Variants in HOOK1 observed in about 807,000 individuals in gnomAD.
HOOK1 encodes the protein protein Hook homolog 1.
A neutral mutation model predicts 112.8 loss-of-function variants in HOOK1; 60 were observed. The observed-to-expected ratio is 0.53, with a 90% CI of 0.43 to 0.66. The LOEUF (loss-of-function observed/expected upper bound fraction) is 0.66. HOOK1 is among the 30% of genes least tolerant of loss of function. HOOK1 has a pLI of 0.00. For synonymous variants in HOOK1, 294 were observed against 283.8 expected (o/e 1.04, Z -0.36); for missense variants, 770 against 856.0 (o/e 0.90, Z 1.25).
chr1:59,859,812 G>GT (rs1478173271), intron 14 of HOOK1, among the ~76,000 whole-genome samples: 1 of 151,792 alleles, frequency 6.6e-6, no homozygotes, highest in African/African-American at 2.4e-5. Flanking sequence ...TCTTTTATGT[G>GT]TTTTCTAAGC....
At chr1:59,832,957 C>G (rs1244242998) in intron 4 of HOOK1, among the ~76,000 whole-genome samples, 1 of 151,796 alleles carries the variant, frequency 6.6e-6, no homozygotes, top group Non-Finnish European at 1.5e-5. Context: ...AAAGATAAGA[C>G]CAGGAAAAAA....
intron 15 of HOOK1, among the ~76,000 whole-genome samples, chr1:59,861,889 A>G (rs2098413804): frequency 6.6e-6 from 1 of 152,236 alleles, no homozygotes; most frequent in South Asian, 2.1e-4. Context: ...GGTGGTTAAA[A>G]GAAGAATAAC....
chr1:59,846,563 CT>C lies in HOOK1; in HGVS notation c.789-480del, dbSNP rs1401145230. On this transcript the variant is annotated intron_variant, in intron 9 of 21. Transcript: ENST00000371208. ...CCTTCCTTCCTTCCTTCCTTCCTTC[CT>C]TCCTTCCTTCCTTCCTTCCTTCCTC... Among the ~76,000 whole-genome samples, 659 of 69,356 alleles carry C rather than the reference CT, an allele frequency of 9.5e-3. 25 individuals carry two copies. The highest frequency in any genetic ancestry group is 0.037 in the African/African-American group (595 of 16,026). The allele number at this position is 69,356 out of a possible 152,430, so 45.5% of individuals were successfully genotyped here.
intron 13 of HOOK1, 42 bp downstream of exon 13, chr1:59,858,557 A>C: frequency 8.0e-7 from 1 of 1,245,668 alleles, no homozygotes; most frequent in African/African-American, 1.5e-5. Flanking sequence ...CCTGGGCAGC[A>C]TAGTGGGACT....
At chr1:59,831,632 T>C (rs763645847) in intron 3 of HOOK1, among the ~76,000 whole-genome samples, 1 of 152,188 alleles carries the variant, frequency 6.6e-6, no homozygotes, top group African/African-American at 2.4e-5. Flanking sequence ...GAACTTCTAA[T>C]GTCTTATCTC....
chr1:59,846,187 GTTAT>G (rs1308276802), intron 9 of HOOK1, among the ~76,000 whole-genome samples: 1 of 151,574 alleles, frequency 6.6e-6, no homozygotes, highest in Non-Finnish European at 1.5e-5. Flanking sequence ...AGTGTCTATG[GTTAT>G]TTAAGTTGTT....
intron 20 of HOOK1, among the ~76,000 whole-genome samples, chr1:59,870,351 G>T (rs899099123): frequency 1.3e-5 from 2 of 152,216 alleles, no homozygotes; most frequent in African/African-American, 4.8e-5. Context: ...AATGTAAATA[G>T]CAGGGGCTGT....
intron 10 of HOOK1, among the ~76,000 whole-genome samples, 172 bp from the exon 11 acceptor site, chr1:59,848,143 G>C (rs1481302847): frequency 1.3e-5 from 2 of 151,612 alleles, no homozygotes; most frequent in Admixed American, 6.6e-5. Flanking sequence ...ATTTAGGCTA[G>C]AGTCTGTTTC....
Position 59,821,934 on chromosome 1 carries a change from T to C in HOOK1, c.140T>C (p.Leu47Pro), listed in dbSNP as rs1403152906. 3 of 1,611,738 alleles carry C rather than the reference T, an allele frequency of 1.9e-6. No individual in the cohort carries two copies. The highest frequency in any genetic ancestry group is 2.7e-5 in the African/African-American group (2 of 74,784). ...LTSGVAMAQV[L>P]HQIDAAWFNE... ...AGTGGAGTTGCCATGGCACAAGTTC[T>C]TCATCAAATGTGAGTAGTGGTCAGA... The change falls in exon 2 of 22, where the codon CTT becomes CCT. Residue 47 changes from leucine to proline, a missense_variant. Physicochemically the swap from Leu to Pro is moderately conservative, Grantham distance 98. Transcript: ENST00000371208.
At chr1:59,816,520 T>G (rs2098381652) in intron 1 of HOOK1, among the ~76,000 whole-genome samples, 2 of 152,254 alleles carry the variant, frequency 1.3e-5, no homozygotes, top group Admixed American at 1.3e-4. Flanking sequence ...ACTGAAGTGT[T>G]AAGCTTAGTC....
chr1:59,837,452 A>G (rs920735506), intron 7 of HOOK1, among the ~76,000 whole-genome samples: 1 of 152,136 alleles, frequency 6.6e-6, no homozygotes, highest in African/African-American at 2.4e-5. Context: ...ATATTTTTAA[A>G]CACTTCTTCT....
intron 5 of HOOK1, 87 bp from the exon 6 acceptor site, chr1:59,835,258 T>G (rs976971219): frequency 1.3e-6 from 1 of 757,542 alleles, no homozygotes; most frequent in African/African-American, 1.8e-5. Flanking sequence ...TGTGGGTAGA[T>G]GAATTTTTAT....
chr1:59,848,450 C>G lies in HOOK1; in HGVS notation c.1065C>G (p.Val355=), dbSNP rs1029800739. 1.2e-6 allele frequency: 2 copies of G among 1,610,178 alleles called. No individual in the cohort carries two copies. The highest frequency in any genetic ancestry group is 1.7e-6 in the Non-Finnish European group (2 of 1,177,430). ...ETNMMYMHNT[V]SLEEELKKAN... The stretch of plus-strand genomic sequence containing the variant: ...ACATGATGTATATGCATAATACAGT[C>G]AGCTTAGAAGAAGAATTAAAAAAAG... Residue 355 remains valine (V), a synonymous_variant, in exon 11 of 22, where the codon GTC becomes GTG. Transcript: ENST00000371208.
chr1:59,849,208 G>C, intron 12 of HOOK1, 25 bp downstream of exon 12: 1 of 1,454,214 alleles, frequency 6.9e-7, no homozygotes, highest in Non-Finnish European at 9.6e-7. Flanking sequence ...AATTGATAAG[G>C]AATATTTCAT....
chr1:59,875,916 A>G lies in HOOK1; in HGVS notation c.*2951A>G, dbSNP rs1644121521. 1 of 152,592 alleles carries G rather than the reference A, an allele frequency of 6.6e-6. No homozygotes were observed. Among genetic ancestry groups the G allele is most frequent in the Non-Finnish European group, 1.5e-5 (1 of 68,036 alleles). The allele number at this position is 152,592 out of a possible 1,614,324, so 9.5% of individuals were successfully genotyped here. A position where few individuals can be genotyped will look rare whatever the true frequency, so the allele number is the denominator to read the frequency against. ...TTCTGATAATTAGAGTGCTAATTTG[A>G]ATGTTAGATAATGTTTCCACATCTA... On this transcript the variant is annotated 3_prime_UTR_variant, in exon 22 of 22. Transcript: ENST00000371208.
chr1:59,835,379 T>C lies in HOOK1; in HGVS notation c.441T>C (p.Ser147=), dbSNP rs1330868927. ...AAAATATAATGACACTGGAAGAGTC[T>C]GTTCAACATGTGGTCATGACTGCTA... ...HIQNIMTLEE[S]VQHVVMTAIQ... The change falls in exon 6 of 22, where the codon TCT becomes TCC. Residue 147 remains serine, a synonymous_variant. Transcript: ENST00000371208. 5 of 1,594,728 alleles carry C rather than the reference T, an allele frequency of 3.1e-6. No individual in the cohort carries two copies. The Admixed American group carries it at 5.0e-5, about 16-fold the overall frequency.
chr1:59,815,285 G>A, intron 1 of HOOK1, 105 bp downstream of exon 1: 2 of 1,089,490 alleles, frequency 1.8e-6, no homozygotes, highest in South Asian at 1.5e-5. Flanking sequence ...ACAGGGTCCC[G>A]GCGCACCCTG....
chr1:59,817,599 C>A (rs1044760848), intron 1 of HOOK1, among the ~76,000 whole-genome samples: 2 of 152,164 alleles, frequency 1.3e-5, no homozygotes, highest in East Asian at 1.9e-4. Context: ...TCAAGCCTAT[C>A]ATGCTGCATT....
rs1559066189 is a variant in HOOK1, at chr1:59,874,028, G to GA, written c.*1065dup. On this transcript the variant is annotated 3_prime_UTR_variant, in exon 22 of 22. Coordinates refer to ENST00000371208, the MANE Select transcript of HOOK1 (RefSeq NM_015888.6). The stretch of plus-strand genomic sequence containing the variant: ...TCTTATTTTCAGAGGTGTTACTTTT[G>GA]AACTTTTGGGGTCATTTTTAAAAGT... 1 of 151,698 alleles carries GA rather than the reference G, an allele frequency of 6.6e-6. No individual in the cohort carries two copies. The highest frequency in any genetic ancestry group is 6.6e-5 in the Admixed American group (1 of 15,228). 9.4% of individuals were successfully genotyped at this position (151,698 alleles called of 1,614,324 possible).
Sources: allele counts gnomAD v4.1 joint callset (sites outside exome capture counted in the v4.1 genomes callset), GRCh38; gene constraint gnomAD v4.1.1; transcripts MANE v1.5; gene names NCBI Gene and HGNC (gene_info 2026-07-23, HGNC 2026-07-21).